The following MYT1L variants were observed in gnomAD, a reference collection of about 807,000 sequenced individuals.
MYT1L encodes the protein myelin transcription factor 1 like.
A neutral mutation model predicts 126.7 loss-of-function variants in MYT1L; 12 were observed. The observed-to-expected ratio is 0.09, with a 90% CI of 0.06 to 0.15. MYT1L has a LOEUF of 0.15. Among genes scored for constraint, MYT1L ranks in the 10% least tolerant of loss-of-function variants. The pLI, the probability that MYT1L is intolerant of heterozygous loss-of-function variation, is 1.00. For synonymous variants in MYT1L, 541 were observed against 604.2 expected, an observed-to-expected ratio of 0.90 and a Z score of 1.53; for missense variants, 979 against 1,585.2, an observed-to-expected ratio of 0.62 and a Z score of 6.49.
chr2:2,288,526 G>A (rs891345787), intron 1 of MYT1L, among the ~76,000 whole-genome samples: 1 of 152,300 alleles, frequency 6.6e-6, no homozygotes, highest in African/African-American at 2.4e-5. Flanking sequence ...ATACACAAAA[G>A]ATTTGGTCAC....
chr2:1,944,394 A>T (rs7355512), intron 8 of MYT1L, among the ~76,000 whole-genome samples: 32,315 of 152,068 alleles, frequency 0.21, 3,523 homozygotes, highest in East Asian at 0.31. Flanking sequence ...GGAGACATAG[A>T]GGCAAACTAC....
intron 9 of MYT1L, among the ~76,000 whole-genome samples, chr2:1,934,999 T>G (rs2055664321): frequency 6.6e-6 from 1 of 152,210 alleles, no homozygotes. Flanking sequence ...TCTCTTTGTC[T>G]CTAGTCTTCC....
chr2:2,246,120 C>G (rs531233979), intron 2 of MYT1L, among the ~76,000 whole-genome samples: 93 of 152,318 alleles, frequency 6.1e-4, no homozygotes, highest in African/African-American at 1.5e-3. Context: ...GCTGACTGCC[C>G]TAGTTCAGCC....
chr2:1,967,708 AGG>A (rs772358068), intron 8 of MYT1L, among the ~76,000 whole-genome samples: 47 of 152,168 alleles, frequency 3.1e-4, no homozygotes, highest in Non-Finnish European at 5.1e-4. Flanking sequence ...AGGTCGTTCC[AGG>A]GTGGAAGAGG....
At chr2:2,145,642 GACACAC>G (rs139332300) in intron 3 of MYT1L, among the ~76,000 whole-genome samples, 47 of 146,430 alleles carry the variant, frequency 3.2e-4, no homozygotes, top group Non-Finnish European at 5.1e-4. Flanking sequence ...ACACACACAA[GACACAC>G]ACACACACAC....
intron 3 of MYT1L, among the ~76,000 whole-genome samples, chr2:2,136,427 T>G (rs1054687103): frequency 1.3e-5 from 2 of 152,200 alleles, no homozygotes; most frequent in African/African-American, 4.8e-5. Context: ...GAGAATCTTC[T>G]TGACAAGCAA....
chr2:2,081,547 G>A (rs1257315838), intron 3 of MYT1L, among the ~76,000 whole-genome samples: 1 of 152,148 alleles, frequency 6.6e-6, no homozygotes, highest in African/African-American at 2.4e-5. Context: ...CCATTTGCTA[G>A]AACATTTATT....
intron 1 of MYT1L, among the ~76,000 whole-genome samples, chr2:2,327,549 T>C (rs1303429072): frequency 1.3e-5 from 2 of 152,248 alleles, no homozygotes; most frequent in African/African-American, 4.8e-5. Context: ...CAAATTACGC[T>C]ATGGAGTAAT....
At chr2:2,044,528 G>A (rs1275465496) in intron 4 of MYT1L, among the ~76,000 whole-genome samples, 3 of 152,164 alleles carry the variant, frequency 2.0e-5, no homozygotes, top group African/African-American at 7.2e-5. Flanking sequence ...TCTGCAACGG[G>A]CTTTTGAAAA....
intron 21 of MYT1L, among the ~76,000 whole-genome samples, chr2:1,832,722 C>G (rs1318072327): frequency 6.6e-6 from 1 of 152,180 alleles, no homozygotes; most frequent in Non-Finnish European, 1.5e-5. Flanking sequence ...CTCAATGTAA[C>G]CTTCCTCCCT....
intron 2 of MYT1L, among the ~76,000 whole-genome samples, chr2:2,247,653 A>C (rs1455389869): frequency 1.3e-5 from 2 of 152,230 alleles, no homozygotes; most frequent in East Asian, 3.8e-4. Flanking sequence ...TAAAACATTC[A>C]AAAAATTGAA....
intron 8 of MYT1L, among the ~76,000 whole-genome samples, chr2:1,968,600 G>A (rs1365341742): frequency 6.6e-6 from 1 of 152,190 alleles, no homozygotes; most frequent in Non-Finnish European, 1.5e-5. Flanking sequence ...CCCTCAGCAG[G>A]AGACAGAGGG....
rs537708728 is a variant in MYT1L at position 2,159,110 on chromosome 2, G to A, written c.-304+13762C>T. On this transcript the variant is annotated intron_variant, in intron 3 of 24. Coordinates refer to ENST00000647738, the MANE Select transcript of MYT1L (RefSeq NM_001303052.2). ...CCGCAGGTTGCTGTAGCAATCAGCC[G>A]GCACGGGGACATGTGAAGAGCTCCT... Among the ~76,000 whole-genome samples, 174 of 152,264 alleles carry A rather than the reference G, an allele frequency of 1.1e-3. 1 individual carries two copies. The highest frequency in any genetic ancestry group is 3.4e-3 in the Middle Eastern group (1 of 294).
At chr2:2,266,270 C>G (rs958977891) in intron 2 of MYT1L, among the ~76,000 whole-genome samples, 2 of 152,192 alleles carry the variant, frequency 1.3e-5, no homozygotes, top group African/African-American at 2.4e-5. Flanking sequence ...ACTGCCCCTG[C>G]CTTTCCCAAA....
chr2:2,165,611 A>T (rs1344659566), intron 3 of MYT1L, among the ~76,000 whole-genome samples: 4 of 152,224 alleles, frequency 2.6e-5, no homozygotes, highest in African/African-American at 9.6e-5. Context: ...TGTATAAAAC[A>T]TAACTAGGAT....
In MYT1L at chr2:1,922,539, G is replaced by A. The variant is rs187949331; in HGVS notation, c.1230C>T (p.Asp410=). The A allele has an allele frequency of 1.4e-5, 23 of 1,613,798 alleles. No homozygotes were observed. Among genetic ancestry groups the A allele is most frequent in the East Asian group, 6.7e-5 (3 of 44,880 alleles). ...TGTCCGAGTTCACAGAGGTGGTATC[G>A]TCGTCCCGCTCATGACACCCATCCT... ...AKEDGCHERD[D]DTTSVNSDRS... Residue 410 remains aspartate, a synonymous_variant, in exon 10 of 25, where the codon GAC becomes GAT. Coordinates refer to ENST00000647738, the MANE Select transcript of MYT1L (RefSeq NM_001303052.2). The surrounding 1 kb of genome is among the most constrained non-coding windows in gnomAD (Gnocchi z 7.4).
chr2:2,322,179 C>CTTTTTTTTTA, intron 1 of MYT1L, among the ~76,000 whole-genome samples: 1 of 148,802 alleles, frequency 6.7e-6, no homozygotes, highest in Non-Finnish European at 1.5e-5. Flanking sequence ...TTTTCTTTCA[C>CTTTTTTTTTA]AATCAGTGGA....
rs1013725400 is a variant in MYT1L at position 2,054,094 on chromosome 2, T to A, written c.-274A>T. 1 of 152,628 alleles carries A rather than the reference T, an allele frequency of 6.6e-6. No homozygotes were observed. The highest frequency in any genetic ancestry group is 1.5e-5 in the Non-Finnish European group (1 of 68,032). The allele number at this position is 152,628 out of a possible 1,614,324, so 9.5% of individuals were successfully genotyped here. ...ACTTGATTGAATTCAATAACTACATTTTTTTCTTCTTCCACCAGATGTGGC... is the reference window on the plus strand; with the variant it reads ...ACTTGATTGAATTCAATAACTACATATTTTTCTTCTTCCACCAGATGTGGC... On this transcript the variant is annotated 5_prime_UTR_variant, in exon 4 of 25. Transcript: ENST00000647738.
intron 4 of MYT1L, among the ~76,000 whole-genome samples, chr2:2,024,020 C>G (rs529234179): frequency 6.6e-6 from 1 of 152,082 alleles, no homozygotes; most frequent in Admixed American, 6.5e-5. Context: ...GACTCTCTTC[C>G]GAGAAGATAT....
Sources: allele counts gnomAD v4.1 joint callset (sites outside exome capture counted in the v4.1 genomes callset), GRCh38; gene constraint gnomAD v4.1.1; non-coding constraint Gnocchi (gnomAD v3.1); transcripts MANE v1.5; gene names NCBI Gene and HGNC (gene_info 2026-07-23, HGNC 2026-07-21).